Variants in SEMA4D observed in about 807,000 individuals in gnomAD.
SEMA4D encodes semaphorin-4D.
In SEMA4D, 22 loss-of-function variants were observed where a neutral mutation model predicts 74.8. That is an observed-to-expected ratio of 0.29 (90% CI 0.21 to 0.42). The LOEUF is 0.42. SEMA4D is among the 10% of genes least tolerant of loss of function. The pLI, the probability that SEMA4D is intolerant of heterozygous loss-of-function variation, is 1.00. For synonymous variants in SEMA4D, 445 were observed against 463.7 expected (o/e 0.96, Z 0.52); for missense variants, 937 against 1,118.4 (o/e 0.84, Z 2.31).
intron 16 of SEMA4D, chr9:89,364,565 C>T (rs1241538102): frequency 2.5e-5 from 4 of 161,306 alleles, no homozygotes; most frequent in African/African-American, 9.6e-5. Flanking sequence ...TGCAGCACAT[C>T]CAGGATGGGC....
chr9:89,371,450 G>A, intron 16 of SEMA4D, among the ~76,000 whole-genome samples: 1 of 118,912 alleles, frequency 8.4e-6, no homozygotes. Context: ...GGTGTGGTGT[G>A]TGTCTGGGGT....
intron 2 of SEMA4D, among the ~76,000 whole-genome samples, chr9:89,446,259 A>T (rs562591451): frequency 6.6e-6 from 1 of 152,228 alleles, no homozygotes; most frequent in South Asian, 2.1e-4. Flanking sequence ...TTGTGAGTGC[A>T]TTTGGGGCCC....
chr9:89,410,014 G>T (rs933251562), intron 2 of SEMA4D, among the ~76,000 whole-genome samples: 2 of 144,424 alleles, frequency 1.4e-5, no homozygotes, highest in African/African-American at 5.1e-5. Context: ...ATTAATAGGT[G>T]AGCAGTAACC....
chr9:89,367,752 G>C (rs1833907406), intron 16 of SEMA4D: 1 of 152,254 alleles, frequency 6.6e-6, no homozygotes, highest in African/African-American at 2.4e-5. Flanking sequence ...GTCGTGAGAA[G>C]ACTGATCACC....
intron 10 of SEMA4D, 22 bp from the exon 11 acceptor site, chr9:89,388,814 C>A: frequency 6.2e-7 from 1 of 1,605,314 alleles, no homozygotes; most frequent in Non-Finnish European, 8.5e-7. Flanking sequence ...AAAGAGGTGA[C>A]GGGACCACCT....
chr9:89,469,362 AAACT>A (rs1859602707), intron 1 of SEMA4D, among the ~76,000 whole-genome samples: 1 of 152,218 alleles, frequency 6.6e-6, no homozygotes, highest in African/African-American at 2.4e-5. Flanking sequence ...TTTTCCAGTA[AAACT>A]AACAATTACA....
chr9:89,480,599 A>G (rs28499130), intron 1 of SEMA4D, among the ~76,000 whole-genome samples: 2,256 of 152,320 alleles, frequency 0.015, 23 homozygotes, highest in Non-Finnish European at 0.018. Context: ...GAAATCGAGC[A>G]CAGCGCCGGT....
Position 89,396,834 on chromosome 9 carries a change from G to C in SEMA4D, c.317C>G (p.Thr106Arg), listed in dbSNP as rs1841070897. 1 of 1,612,912 alleles carries C rather than the reference G, an allele frequency of 6.2e-7. No individual in the cohort carries two copies. The highest frequency in any genetic ancestry group is 1.6e-4 in the Middle Eastern group (1 of 6,062). The change falls in exon 6 of 16, where the codon ACA becomes AGA. Residue 106 changes from threonine (T) to arginine (R), a missense_variant and splice_region_variant. Thr to Arg is a moderately conservative substitution (Grantham distance 71). Transcript: ENST00000422704. ...KCAEKGKSKQ[T>R]ECLNYIRVLQ... ...CACCCGGATGTAGTTGAGGCACTCT[G>C]TCTGCAGGGAAGAGAAATGCACCAT...
intron 16 of SEMA4D, chr9:89,365,106 T>A (rs1340118844): frequency 6.6e-6 from 1 of 152,366 alleles, no homozygotes; most frequent in Non-Finnish European, 1.5e-5. Context: ...TCCATTTTGA[T>A]CTGCTTCGCA....
At chr9:89,408,900 T>C (rs1373464003) in intron 2 of SEMA4D, among the ~76,000 whole-genome samples, 2 of 152,192 alleles carry the variant, frequency 1.3e-5, no homozygotes, top group Non-Finnish European at 2.9e-5. Flanking sequence ...GTCCCCCAGC[T>C]GGGCAAAGGT....
chr9:89,461,425 G>T (rs4560885), intron 1 of SEMA4D, among the ~76,000 whole-genome samples: 117,538 of 152,024 alleles, frequency 0.77, 46,037 homozygotes, highest in Non-Finnish European at 0.83. Context: ...AGCAGCACTC[G>T]GGCTCCAAAT....
At chr9:89,409,589 C>T (rs1844072573) in intron 2 of SEMA4D, among the ~76,000 whole-genome samples, 2 of 152,140 alleles carry the variant, frequency 1.3e-5, no homozygotes, top group Non-Finnish European at 2.9e-5. Flanking sequence ...CTATTAAAAT[C>T]AGTAACAACA....
chr9:89,480,780 T>C (rs892746173), intron 1 of SEMA4D, among the ~76,000 whole-genome samples: 51 of 152,318 alleles, frequency 3.3e-4, no homozygotes, highest in Non-Finnish European at 3.2e-4. Context: ...ACACAGCCCC[T>C]GTTCCCGCTC....
At chr9:89,450,657 C>T (rs1162354002) in intron 2 of SEMA4D, 1 of 221,920 alleles carries the variant, frequency 4.5e-6, no homozygotes, top group Non-Finnish European at 6.7e-6. Flanking sequence ...TCGAAAAACC[C>T]AGGAAAAAAA....
chr9:89,488,095 G>C (rs1387028608), intron 1 of SEMA4D, among the ~76,000 whole-genome samples: 1 of 152,210 alleles, frequency 6.6e-6, no homozygotes, highest in East Asian at 1.9e-4. Flanking sequence ...AGTTACTACA[G>C]AGACAGTGTG....
chr9:89,477,500 A>T (rs1461468492), intron 1 of SEMA4D, among the ~76,000 whole-genome samples: 1 of 152,234 alleles, frequency 6.6e-6, no homozygotes, highest in Non-Finnish European at 1.5e-5. Flanking sequence ...AGGGACACAC[A>T]GCACACACAA....
At chr9:89,383,859 G>A (rs1588189968) in intron 13 of SEMA4D, among the ~76,000 whole-genome samples, 2 of 152,290 alleles carry the variant, frequency 1.3e-5, no homozygotes, top group East Asian at 3.9e-4. Flanking sequence ...GTGCACTCCT[G>A]CCCCTCGACG....
intron 5 of SEMA4D, among the ~76,000 whole-genome samples, chr9:89,398,536 C>A (rs1427484068): frequency 2.0e-5 from 3 of 152,182 alleles, no homozygotes; most frequent in Non-Finnish European, 2.9e-5. Flanking sequence ...GTGTGTGTAC[C>A]CAAAAAAGGC....
chr9:89,405,062 G>A (rs1478618943), intron 3 of SEMA4D, among the ~76,000 whole-genome samples: 4 of 146,782 alleles, frequency 2.7e-5, no homozygotes, highest in Non-Finnish European at 4.5e-5. Context: ...CCCAGGAAGT[G>A]GAGTCCCCAT....
Sources: allele counts gnomAD v4.1 joint callset (sites outside exome capture counted in the v4.1 genomes callset), GRCh38; gene constraint gnomAD v4.1.1; transcripts MANE v1.5; gene names NCBI Gene and HGNC (gene_info 2026-07-23, HGNC 2026-07-21).